Variants in CDH9 observed in about 807,000 individuals in gnomAD.
CDH9 encodes the protein cadherin 9, also known as cadherin-9.
In CDH9, 28 loss-of-function variants were observed where a neutral mutation model predicts 70.9. The observed-to-expected ratio is 0.40, with a 90% CI of 0.29 to 0.54. CDH9 has a LOEUF of 0.54. Among genes scored for constraint, CDH9 ranks in the 20% least tolerant of loss-of-function variants. The probability of loss-of-function intolerance (pLI) is 0.59; values close to 1 mark genes in which losing one functional copy is unlikely to be tolerated. For missense variants in CDH9, 874 were observed against 984.4 expected (o/e 0.89, Z 1.50); for synonymous variants, 409 against 343.1 (o/e 1.19, Z -2.12).
At chr5:26,985,410 C>G (rs930510913) in intron 2 of CDH9, among the ~76,000 whole-genome samples, 1 of 152,050 alleles carries the variant, frequency 6.6e-6, no homozygotes. Flanking sequence ...ATAATATTTA[C>G]TACGTGTCAC....
intron 2 of CDH9, among the ~76,000 whole-genome samples, chr5:26,948,792 A>T (rs1263910334): frequency 2.0e-5 from 3 of 152,214 alleles, no homozygotes; most frequent in East Asian, 1.9e-4. Context: ...ATGGGTGACA[A>T]AAAAGGCTAT....
At chr5:26,948,517 A>C (rs192490682) in intron 2 of CDH9, among the ~76,000 whole-genome samples, 94 of 152,346 alleles carry the variant, frequency 6.2e-4, no homozygotes, top group African/African-American at 2.1e-3. Context: ...AATATGCAAC[A>C]TGTGGCACTA....
chr5:26,912,930 T>C (rs1299419049), intron 3 of CDH9, among the ~76,000 whole-genome samples: 1 of 152,004 alleles, frequency 6.6e-6, no homozygotes, highest in Non-Finnish European at 1.5e-5. Flanking sequence ...CATCTGATGG[T>C]TTTAAAAACA....
chr5:26,967,697 A>G (rs1742152253), intron 2 of CDH9, among the ~76,000 whole-genome samples: 1 of 151,878 alleles, frequency 6.6e-6, no homozygotes, highest in African/African-American at 2.4e-5. Flanking sequence ...GTGAACATCA[A>G]TTTTTTACAC....
At chr5:26,991,734 T>C (rs553569495) in intron 1 of CDH9, among the ~76,000 whole-genome samples, 2 of 152,166 alleles carry the variant, frequency 1.3e-5, no homozygotes, top group East Asian at 1.9e-4. Flanking sequence ...GAAGAAAAAA[T>C]AAAAATAAGG....
Position 27,020,728 on chromosome 5 carries a change from GCACA to G in CDH9, c.-50+17731_-50+17734del, listed in dbSNP as rs150359349. Among the ~76,000 whole-genome samples the G allele has an allele frequency of 2.5e-4, 37 of 147,278 alleles. 1 individual carries two copies. Among genetic ancestry groups the G allele is most frequent in the Admixed American group, 6.8e-4 (10 of 14,650 alleles). On this transcript the variant is annotated intron_variant, in intron 1 of 11. Coordinates refer to ENST00000231021, the MANE Select transcript of CDH9 (RefSeq NM_016279.4). ...TAAGAACATTTAAGAATTCACACAC[GCACA>G]CACACACACACACACTATATATATA...
chr5:27,013,356 A>G lies in CDH9; in HGVS notation c.-49-24974T>C, dbSNP rs184093873. ...CTTGAGGTCTGGTGCTGCCTGATCC[A>G]TGAATTGCTGTCTGCTAAAATAAAC... On this transcript the variant is annotated intron_variant, in intron 1 of 11. Coordinates refer to ENST00000231021, the MANE Select transcript of CDH9 (RefSeq NM_016279.4). Among the ~76,000 whole-genome samples, 162 of 152,114 alleles carry G rather than the reference A, an allele frequency of 1.1e-3. 1 individual carries two copies. Among genetic ancestry groups the G allele is most frequent in the Non-Finnish European group, 1.9e-3 (128 of 67,958 alleles).
At chr5:26,988,726 T>C (rs971968821) in intron 1 of CDH9, among the ~76,000 whole-genome samples, 1 of 152,090 alleles carries the variant, frequency 6.6e-6, no homozygotes, top group Non-Finnish European at 1.5e-5. Flanking sequence ...CCATAGTCCT[T>C]AAGACTAATA....
chr5:27,016,744 G>A (rs1317958132), intron 1 of CDH9, among the ~76,000 whole-genome samples: 1 of 151,728 alleles, frequency 6.6e-6, no homozygotes, highest in African/African-American at 2.4e-5. Flanking sequence ...TGGGTTATAA[G>A]CTTTTTATTT....
chr5:26,924,459 C>G (rs1016060542), intron 2 of CDH9, among the ~76,000 whole-genome samples: 1 of 150,354 alleles, frequency 6.7e-6, no homozygotes. Context: ...CTGAATTTTA[C>G]CAATCTAAAA....
chr5:26,960,947 A>G (rs569583604), intron 2 of CDH9, among the ~76,000 whole-genome samples: 1 of 152,170 alleles, frequency 6.6e-6, no homozygotes, highest in African/African-American at 2.4e-5. Flanking sequence ...CACCAAATCA[A>G]AAGTGCATGC....
intron 2 of CDH9, among the ~76,000 whole-genome samples, chr5:26,952,456 T>C (rs1249257708): frequency 1.7e-4 from 1 of 6,018 alleles, no homozygotes; most frequent in Non-Finnish European, 3.3e-4. Flanking sequence ...CTACTAAAAA[T>C]ACAAAAAAAA....
intron 2 of CDH9, among the ~76,000 whole-genome samples, chr5:26,944,473 G>A (rs965238042): frequency 6.6e-6 from 1 of 151,958 alleles, no homozygotes; most frequent in Non-Finnish European, 1.5e-5. Flanking sequence ...AAACATAGAA[G>A]ACCCCGTTTC....
intron 2 of CDH9, among the ~76,000 whole-genome samples, chr5:26,966,882 C>T (rs1007356141): frequency 5.9e-5 from 9 of 151,990 alleles, no homozygotes; most frequent in Admixed American, 5.9e-4. Flanking sequence ...CTTCCATTGT[C>T]TACTTGTGTC....
chr5:26,905,821 T>G (rs984427530), intron 5 of CDH9, 138 bp downstream of exon 5: 98 of 616,774 alleles, frequency 1.6e-4, no homozygotes, highest in Admixed American at 2.8e-4. Flanking sequence ...GTTTTTTTTT[T>G]GGTAGAGGAA....
intron 2 of CDH9, among the ~76,000 whole-genome samples, chr5:26,946,463 AAAGGAGAGGAT>A (rs1741755492): frequency 6.6e-6 from 1 of 152,066 alleles, no homozygotes; most frequent in African/African-American, 2.4e-5. Context: ...AGAAGAAAAA[AAAGGAGAGGAT>A]AAGTATGATA....
chr5:26,920,813 A>C (rs1741231184), intron 2 of CDH9, among the ~76,000 whole-genome samples: 1 of 152,196 alleles, frequency 6.6e-6, no homozygotes, highest in Admixed American at 6.5e-5. Context: ...TCTTATGCAG[A>C]TATGGCTTCA....
intron 7 of CDH9, among the ~76,000 whole-genome samples, chr5:26,899,706 C>T (rs764173238): frequency 1.3e-4 from 20 of 151,396 alleles, no homozygotes; most frequent in Non-Finnish European, 2.1e-4. Flanking sequence ...CATCACACAC[C>T]AGGGCCTGTC....
chr5:26,997,401 C>T (rs903905821), intron 1 of CDH9, among the ~76,000 whole-genome samples: 1 of 151,996 alleles, frequency 6.6e-6, no homozygotes, highest in Non-Finnish European at 1.5e-5. Flanking sequence ...ATATGGTCTT[C>T]CATTGCAAAG....
Sources: gnomAD v4.1 joint callset for allele counts (sites outside exome capture counted in the v4.1 genomes callset) on GRCh38, gnomAD v4.1.1 for gene constraint, MANE v1.5 for transcripts, NCBI Gene and HGNC (gene_info 2026-07-23, HGNC 2026-07-21) for gene names.